RGPD2: variants seen among roughly 807,000 people sequenced by gnomAD.
The protein encoded by RGPD2 is RANBP2 like and GRIP domain containing 2, also known as RANBP2-like and GRIP domain-containing protein 2.
Under a neutral mutation model 36.0 loss-of-function variants are expected in RGPD2, and 2 were observed. The ratio of observed to expected loss-of-function variants is 0.06; its 90% confidence interval spans 0.02 to 0.17. The LOEUF (loss-of-function observed/expected upper bound fraction) is 0.17, where lower values mean the gene tolerates loss of function less well. RGPD2 is among the 10% of genes least tolerant of loss of function. RGPD2 has a pLI of 1.00. For synonymous variants in RGPD2, 19 were observed against 163.8 expected, an observed-to-expected ratio of 0.12 and a Z score of 6.75; for missense variants, 40 against 464.3, an observed-to-expected ratio of 0.09 and a Z score of 8.40.
chr2:87,887,131 G>C, the RGPD2 span, among the ~76,000 whole-genome samples: 12 of 151,710 alleles, frequency 7.9e-5, no homozygotes, highest in Non-Finnish European at 1.3e-4. Flanking sequence ...TTAAAAAAAT[G>C]TTAGTTTTCC....
the RGPD2 span, among the ~76,000 whole-genome samples, chr2:87,842,100 A>G: frequency 6.6e-6 from 1 of 152,142 alleles, no homozygotes; most frequent in Non-Finnish European, 1.5e-5. Context: ...CACAGCCAAT[A>G]TCATACTGAA....
At chr2:87,825,416 GGCCGCCGCCGCCGCC>G (rs1306325278) in intron 1 of RGPD2, among the ~76,000 whole-genome samples, 2 of 96,158 alleles carry the variant, frequency 2.1e-5, no homozygotes, top group South Asian at 3.2e-4. Flanking sequence ...CCGAGGCCGA[GGCCGCCGCCGCCGCC>G]GCCGCCGCCG....
chr2:87,936,202 A>G, the RGPD2 span, among the ~76,000 whole-genome samples: 1 of 151,096 alleles, frequency 6.6e-6, no homozygotes, highest in Admixed American at 6.6e-5. Flanking sequence ...AAGTTCAGGA[A>G]CTGAGAACCC....
rs1686769189 is a variant in RGPD2, at chr2:87,825,634, T to TCGAGGCCGC, written c.72+23_72+24insGCGGCCTCG. On this transcript the variant is annotated intron_variant, in intron 1 of 22. Coordinates refer to ENST00000398146, the MANE Select transcript of RGPD2 (RefSeq NM_001078170.3). ...CCGCCGCCCGGCCAGGTCGAGGCCGTCGGTCTCTTCGAGATCCACTCACCT... is the reference window on the plus strand; with the variant it reads ...CCGCCGCCCGGCCAGGTCGAGGCCGTCGAGGCCGCCGGTCTCTTCGAGATCCACTCACCT... 2.6e-6 allele frequency: 4 copies of TCGAGGCCGC among 1,512,628 alleles called. No individual in the cohort carries two copies. In the African/African-American group the frequency reaches 6.2e-5, roughly 23 times the overall value. The allele number at this position is 1,512,628 out of a possible 1,614,324, so 93.7% of individuals were successfully genotyped here.
At chr2:87,825,492 C>CG (rs1686716763) in intron 1 of RGPD2, among the ~76,000 whole-genome samples, 166 bp downstream of exon 1, 4 of 76,894 alleles carry the variant, frequency 5.2e-5, no homozygotes, top group African/African-American at 9.7e-5. Flanking sequence ...CCGCCGCCGC[C>CG]CGGCCGAGGC....
the RGPD2 span, among the ~76,000 whole-genome samples, chr2:87,842,009 AC>A: frequency 2.0e-5 from 3 of 147,434 alleles, no homozygotes; most frequent in African/African-American, 7.6e-5. Flanking sequence ...AAATTCAACA[AC>A]CCTTCATGCT....
chr2:87,863,730 A>G, the RGPD2 span, among the ~76,000 whole-genome samples: 1 of 151,300 alleles, frequency 6.6e-6, no homozygotes, highest in African/African-American at 2.5e-5. Context: ...ATATATATGT[A>G]TATATGTAAA....
the RGPD2 span, among the ~76,000 whole-genome samples, chr2:87,965,050 C>G: frequency 4.2e-4 from 63 of 149,608 alleles, no homozygotes; most frequent in Middle Eastern, 3.6e-3. Flanking sequence ...ATGGAAGAAC[C>G]ACCTGACATG....
chr2:87,824,891 A>G, intron 1 of RGPD2: 2 of 226,570 alleles, frequency 8.8e-6, no homozygotes, highest in Non-Finnish European at 1.6e-5. Flanking sequence ...GCCGCCGCAC[A>G]TTAACCTTTT....
chr2:87,887,429 A>G, the RGPD2 span, among the ~76,000 whole-genome samples: 12 of 151,744 alleles, frequency 7.9e-5, no homozygotes, highest in African/African-American at 2.9e-4. Context: ...TACCTAGCTG[A>G]GTGGATTTCT....
rs1684769993 is a variant in RGPD2 at position 87,757,192 on chromosome 2, CTCA to C, written c.*197_*199del. 1 of 113,318 alleles carries C rather than the reference CTCA, an allele frequency of 8.8e-6. No individual in the cohort carries two copies. The highest frequency in any genetic ancestry group is 3.8e-5 in the African/African-American group (1 of 26,306). The allele number at this position is 113,318 out of a possible 1,614,324, so 7.0% of individuals were successfully genotyped here. A position where few individuals can be genotyped will look rare whatever the true frequency, so the allele number is the denominator to read the frequency against. ...TTTTATTGTCATATTGTTATTTTCT[CTCA>C]TCTTTTTCAAGTCTTTTCCATCCAC... On this transcript the variant is annotated 3_prime_UTR_variant, in exon 23 of 23. Transcript: ENST00000398146.
the RGPD2 span, among the ~76,000 whole-genome samples, chr2:87,915,378 A>G: frequency 1.6e-5 from 2 of 122,792 alleles, no homozygotes; most frequent in South Asian, 2.3e-4. Flanking sequence ...TGTATATTAT[A>G]TATATTGTAT....
At chr2:87,937,260 G>A in the RGPD2 span, among the ~76,000 whole-genome samples, 1 of 151,700 alleles carries the variant, frequency 6.6e-6, no homozygotes, top group East Asian at 1.9e-4. Flanking sequence ...GCACATATTT[G>A]CAAAGTGAAG....
the RGPD2 span, among the ~76,000 whole-genome samples, chr2:87,979,001 A>T: frequency 8.0e-5 from 12 of 149,210 alleles, no homozygotes; most frequent in African/African-American, 2.9e-4. Context: ...TTGGGAGGTC[A>T]ACATGGGCGG....
intron 1 of RGPD2, chr2:87,824,925 C>T: frequency 8.2e-6 from 3 of 364,266 alleles, no homozygotes; most frequent in Non-Finnish European, 1.5e-5. Context: ...AGAGAACCAA[C>T]ACCTCTTTAC....
At chr2:87,857,549 A>G in the RGPD2 span, among the ~76,000 whole-genome samples, 3 of 149,258 alleles carry the variant, frequency 2.0e-5, no homozygotes, top group Admixed American at 6.7e-5. Context: ...TCACCGTGTT[A>G]GCCAGGATGG....
chr2:87,853,591 A>C, the RGPD2 span, among the ~76,000 whole-genome samples: 1 of 138,332 alleles, frequency 7.2e-6, no homozygotes, highest in Non-Finnish European at 1.6e-5. Context: ...TCCAACTTTT[A>C]ATTGGTGATG....
Position 87,825,531 on chromosome 2 carries a change from CCGAGGCCGAGGCCGCCGCCCGGCCAGGT to C in RGPD2, c.72+99_72+126del, listed in dbSNP as rs1558739949. The C allele has an allele frequency of 8.6e-5, 35 of 404,712 alleles. No individual in the cohort carries two copies. The Admixed American group carries it at 1.5e-3, about 17-fold the overall frequency. 25.1% of individuals were successfully genotyped at this position (404,712 alleles called of 1,614,324 possible). Reference sequence around the variant, plus strand: ...GGCCGAGGCCGCCGCCCGGCCGAGGCCGAGGCCGAGGCCGCCGCCCGGCCAGGTCGAGGCCGCCGCCCGGCCAGGTCGA... The same window carrying C: ...GGCCGAGGCCGCCGCCCGGCCGAGGCCGAGGCCGCCGCCCGGCCAGGTCGA... On this transcript the variant is annotated intron_variant, in intron 1 of 22. Coordinates refer to ENST00000398146, the MANE Select transcript of RGPD2 (RefSeq NM_001078170.3).
the RGPD2 span, among the ~76,000 whole-genome samples, chr2:87,875,906 T>C: frequency 1.3e-5 from 2 of 152,160 alleles, no homozygotes. Flanking sequence ...TTTCTCAGTC[T>C]ATTCAGTGAC....
Sources: allele counts gnomAD v4.1 joint callset (sites outside exome capture counted in the v4.1 genomes callset), GRCh38; gene constraint gnomAD v4.1.1; transcripts MANE v1.5; gene names NCBI Gene and HGNC (gene_info 2026-07-23, HGNC 2026-07-21).